Variants in PCDHA6 observed in about 807,000 individuals in gnomAD.
PCDHA6 encodes the protein protocadherin alpha-6.
Under a neutral mutation model 60.3 loss-of-function variants are expected in PCDHA6, and 55 were observed. That is an observed-to-expected ratio of 0.91 (90% CI 0.73 to 1.14). The LOEUF (loss-of-function observed/expected upper bound fraction) is 1.14. Ranked by LOEUF, PCDHA6 falls within the 50% of genes most tolerant of loss-of-function variation. The probability of loss-of-function intolerance (pLI) is 0.00; values close to 1 mark genes in which losing one functional copy is unlikely to be tolerated. For synonymous variants in PCDHA6, 652 were observed against 557.9 expected (o/e 1.17, Z -2.38); for missense variants, 1,327 against 1,256.5 (o/e 1.06, Z -0.85).
chr5:140,971,787 A>G (rs1554233619), intron 1 of PCDHA6, among the ~76,000 whole-genome samples: 5 of 152,124 alleles, frequency 3.3e-5, no homozygotes, highest in Admixed American at 1.3e-4. Context: ...AGATTATTCA[A>G]TATATTGAAT....
chr5:140,922,063 A>C (rs1324927848), intron 1 of PCDHA6, among the ~76,000 whole-genome samples: 2 of 152,190 alleles, frequency 1.3e-5, no homozygotes, highest in African/African-American at 4.8e-5. Context: ...AAATGTAGCA[A>C]TCCCACTAAG....
At chr5:140,978,835 A>G in intron 1 of PCDHA6, 114 bp from the exon 2 acceptor site, 2 of 1,550,342 alleles carry the variant, frequency 1.3e-6, no homozygotes, top group Non-Finnish European at 1.7e-6. Flanking sequence ...TGGCTCATTC[A>G]ATACTTTTTT....
At chr5:140,985,579 C>T (rs2097158687) in intron 3 of PCDHA6, among the ~76,000 whole-genome samples, 1 of 152,084 alleles carries the variant, frequency 6.6e-6, no homozygotes, top group African/African-American at 2.4e-5. Context: ...GTGCCTAAGC[C>T]TCCTTATACT....
chr5:140,919,505 CTA>C (rs2079156587), intron 1 of PCDHA6, among the ~76,000 whole-genome samples: 3 of 152,008 alleles, frequency 2.0e-5, no homozygotes, highest in Admixed American at 6.6e-5. Context: ...ACTCCTTTTT[CTA>C]TATGTTTTAA....
At chr5:140,901,766 A>T (rs2068897184) in intron 1 of PCDHA6, among the ~76,000 whole-genome samples, 1 of 152,188 alleles carries the variant, frequency 6.6e-6, no homozygotes, top group Admixed American at 6.5e-5. Flanking sequence ...CAGGGATTGC[A>T]TTGAATTTGT....
At chr5:140,848,603 G>A (rs144574743) in intron 1 of PCDHA6, 1 of 1,581,062 alleles carries the variant, frequency 6.3e-7, no homozygotes, top group Non-Finnish European at 8.7e-7. Flanking sequence ...ACTCCGTCCC[G>A]GAGGAAGCCG....
chr5:140,954,025 C>T (rs533473552), intron 1 of PCDHA6, among the ~76,000 whole-genome samples: 385 of 152,188 alleles, frequency 2.5e-3, no homozygotes, highest in Middle Eastern at 0.014. Context: ...CATAGTGGGA[C>T]GATGTGGTAT....
At chr5:140,938,876 A>AAC (rs142461507) in intron 1 of PCDHA6, among the ~76,000 whole-genome samples, 11 of 151,144 alleles carry the variant, frequency 7.3e-5, no homozygotes, top group South Asian at 2.1e-4. Context: ...GTTAAGAAGC[A>AAC]ACACACACAC....
chr5:140,869,249 C>T (rs1554162740), intron 1 of PCDHA6: 2 of 1,613,496 alleles, frequency 1.2e-6, no homozygotes, highest in Admixed American at 3.3e-5. Flanking sequence ...GGCCGCATCG[C>T]GCAGGACCTG....
chr5:140,928,854 G>A (rs2085594573), intron 1 of PCDHA6: 1 of 1,614,178 alleles, frequency 6.2e-7, no homozygotes, highest in Non-Finnish European at 8.5e-7. Context: ...CTCTGGGTGT[G>A]CTGTTGAGCA....
intron 1 of PCDHA6, among the ~76,000 whole-genome samples, chr5:140,893,358 C>A (rs1385049897): frequency 2.0e-5 from 3 of 152,134 alleles, no homozygotes; most frequent in Admixed American, 6.5e-5. Context: ...AATTTACATG[C>A]CCACCAACAG....
In PCDHA6 at chr5:140,857,667, G is replaced by A. The variant is rs375722457; in HGVS notation, c.2394+27182G>A. 3.4e-5 allele frequency: 54 copies of A among 1,596,806 alleles called. 7 individuals are homozygous for A. The highest frequency in any genetic ancestry group is 4.5e-5 in the Non-Finnish European group (52 of 1,167,800). ...TTCCAGGTGAGCGCGCGCGATGGGGGCGTGCCGCCTCTGGGCAGCAACTTG... is the reference window on the plus strand; with the variant it reads ...TTCCAGGTGAGCGCGCGCGATGGGGACGTGCCGCCTCTGGGCAGCAACTTG... On this transcript the variant is annotated intron_variant, in intron 1 of 3. Coordinates refer to ENST00000529310, the MANE Select transcript of PCDHA6 (RefSeq NM_018909.4).
In PCDHA6 at chr5:140,851,034, C is replaced by T. The variant is rs2041932722; in HGVS notation, c.2394+20549C>T. On this transcript the variant is annotated intron_variant, in intron 1 of 3. Coordinates refer to ENST00000529310, the MANE Select transcript of PCDHA6 (RefSeq NM_018909.4). ...TTTTCTGATAAAGTAAACCCCTTAA[C>T]ATTGGAGCCGACTTTGTCTTGACTT... The T allele has an allele frequency of 3.1e-5, 44 of 1,402,710 alleles. 5 individuals are homozygous for T. Among genetic ancestry groups the T allele is most frequent in the Non-Finnish European group, 4.0e-5 (43 of 1,068,930 alleles). 86.9% of individuals were successfully genotyped at this position (1,402,710 alleles called of 1,614,324 possible).
chr5:140,873,161 C>T (rs946054760), intron 1 of PCDHA6, among the ~76,000 whole-genome samples: 11 of 152,012 alleles, frequency 7.2e-5, no homozygotes, highest in South Asian at 4.2e-4. Context: ...GACTTTAGAT[C>T]GAGAGCTTTT....
chr5:140,884,821 G>A, intron 1 of PCDHA6: 2 of 1,011,756 alleles, frequency 2.0e-6, no homozygotes, highest in South Asian at 2.2e-5. Flanking sequence ...TGGACATTAT[G>A]TGTTGGATTA....
At chr5:140,881,638 A>G (rs1237929257) in intron 1 of PCDHA6, among the ~76,000 whole-genome samples, 1 of 152,214 alleles carries the variant, frequency 6.6e-6, no homozygotes, top group Non-Finnish European at 1.5e-5. Context: ...TCAGTTACCA[A>G]TATTTTTCAC....
chr5:140,978,841 T>G, intron 1 of PCDHA6, 108 bp from the exon 2 acceptor site: 1 of 1,563,056 alleles, frequency 6.4e-7, no homozygotes, highest in Non-Finnish European at 8.7e-7. Context: ...ATTCAATACT[T>G]TTTTAGATGC....
chr5:140,858,677 T>C (rs1480959792), intron 1 of PCDHA6: 2 of 629,026 alleles, frequency 3.2e-6, no homozygotes, highest in South Asian at 4.5e-5. Flanking sequence ...TTATTCTGAA[T>C]ACACTAATAT....
Position 141,009,690 on chromosome 5 carries a change from TTAAA to T in PCDHA6, c.2609_2612del (p.Lys870ThrfsTer44). On this transcript the variant is annotated frameshift_variant, in exon 4 of 4. Transcript: ENST00000529310. LOFTEE classifies it high-confidence loss of function. ...GGTGTCAACAGCAACAGCTGGACCT[TTAAA>T]TACGGACCAGGCAACCCCAAACAAT... 6.2e-7 allele frequency: 1 copy of T among 1,614,068 alleles called. No individual in the cohort carries two copies. Among genetic ancestry groups the T allele is most frequent in the Non-Finnish European group, 8.5e-7 (1 of 1,180,024 alleles).
Sources: allele counts gnomAD v4.1 joint callset (sites outside exome capture counted in the v4.1 genomes callset), GRCh38; gene constraint gnomAD v4.1.1; transcripts MANE v1.5; gene names NCBI Gene and HGNC (gene_info 2026-07-23, HGNC 2026-07-21).